Variants in AMMECR1 observed in about 807,000 individuals in gnomAD.
AMMECR1 encodes the protein nuclear protein AMMECR1.
A neutral mutation model predicts 22.5 loss-of-function variants in AMMECR1; 3 were observed. The ratio of observed to expected loss-of-function variants is 0.13; its 90% CI spans 0.06 to 0.35. The LOEUF is 0.35. Among genes scored for constraint, AMMECR1 ranks in the 10% least tolerant of loss-of-function variants. The pLI is 1.00. For missense variants in AMMECR1, 235 were observed against 278.7 expected, an observed-to-expected ratio of 0.84 and a Z score of 1.12; for synonymous variants, 130 against 116.7, an observed-to-expected ratio of 1.11 and a Z score of -0.74.
intron 2 of AMMECR1, among the ~76,000 whole-genome samples, chrX:110,423,412 G>C (rs753140102): frequency 2.7e-5 from 3 of 111,135 alleles, no homozygotes; most frequent in East Asian, 5.6e-4. Flanking sequence ...GAAGGAGAAG[G>C]AGAACGAGAA....
At chrX:110,253,233 G>GT (rs1478766075) in intron 2 of AMMECR1, among the ~76,000 whole-genome samples, 8 of 112,591 alleles carry the variant, frequency 7.1e-5, no homozygotes, top group Non-Finnish European at 3.8e-5. Context: ...TGAAATATAT[G>GT]TTTTTTAAAT....
chrX:110,297,039 T>C lies in AMMECR1; in HGVS notation c.473+20560A>G, dbSNP rs188299288. Among the ~76,000 whole-genome samples the C allele has an allele frequency of 1.9e-3, 217 of 111,999 alleles. 2 individuals are homozygous for C. Among genetic ancestry groups the C allele is most frequent in the African/African-American group, 6.6e-3 (205 of 30,900 alleles). The stretch of plus-strand genomic sequence containing the variant: ...TTATTGTTATTGTTTGTTTAGTGAC[T>C]TTCCCGGACTAGTTCTGTAAAGCCT... On this transcript the variant is annotated intron_variant, in intron 1 of 5. Transcript: ENST00000262844.
chrX:110,402,931 TTCA>T (rs1172042432), intron 2 of AMMECR1, among the ~76,000 whole-genome samples: 3 of 111,978 alleles, frequency 2.7e-5, no homozygotes, highest in African/African-American at 6.5e-5. Flanking sequence ...TGTGACAGGG[TTCA>T]CTGGGTGTTC....
At chrX:110,219,995 A>G (rs1049361720) in intron 2 of AMMECR1, among the ~76,000 whole-genome samples, 1 of 112,082 alleles carries the variant, frequency 8.9e-6, no homozygotes, top group Non-Finnish European at 1.9e-5. Flanking sequence ...CTGACCTCAG[A>G]GCTGCCAGGC....
At chrX:110,435,562 T>C (rs966119080) in intron 1 of AMMECR1, among the ~76,000 whole-genome samples, 4 of 112,037 alleles carry the variant, frequency 3.6e-5, no homozygotes, top group African/African-American at 6.5e-5. Context: ...ATGAGAGTTT[T>C]AGTTACATTC....
chrX:110,427,390 GTTAGAGTACGTACTCA>G (rs2068761936), intron 1 of AMMECR1, among the ~76,000 whole-genome samples: 1 of 111,861 alleles, frequency 8.9e-6, no homozygotes, highest in African/African-American at 3.3e-5. Context: ...ACTTCTTAAA[GTTAGAGTACGTACTCA>G]TTAGAGTACC....
intron 2 of AMMECR1, among the ~76,000 whole-genome samples, chrX:110,247,157 G>A (rs922416816): frequency 6.2e-5 from 7 of 112,442 alleles, no homozygotes; most frequent in Admixed American, 4.7e-4. Context: ...CCATGATCAG[G>A]TATGTGGGAC....
intron 2 of AMMECR1, among the ~76,000 whole-genome samples, chrX:110,239,405 A>G (rs758562403): frequency 3.6e-4 from 40 of 111,218 alleles, no homozygotes; most frequent in South Asian, 1.2e-3. Context: ...TGAAGCATAC[A>G]CAAGTATCAA....
chrX:110,208,567 C>T (rs373362470), intron 3 of AMMECR1, among the ~76,000 whole-genome samples: 11 of 111,774 alleles, frequency 9.8e-5, no homozygotes, highest in African/African-American at 3.2e-4. Flanking sequence ...GGAACAAAAG[C>T]CTGCCAACTT....
At chrX:110,349,152 C>G (rs924252223) in intron 2 of AMMECR1, among the ~76,000 whole-genome samples, 1 of 111,841 alleles carries the variant, frequency 8.9e-6, no homozygotes, top group Admixed American at 9.5e-5. Context: ...TTATAATAAC[C>G]TTGAAAAGTA....
intron 2 of AMMECR1, among the ~76,000 whole-genome samples, chrX:110,410,812 G>T (rs921778723): frequency 8.9e-6 from 1 of 111,937 alleles, no homozygotes; most frequent in African/African-American, 3.2e-5. Context: ...CTTGGGACAA[G>T]TCCCAGCAGC....
chrX:110,245,472 A>AG (rs200703335), intron 2 of AMMECR1, among the ~76,000 whole-genome samples: 1 of 111,100 alleles, frequency 9.0e-6, no homozygotes, highest in East Asian at 2.8e-4. Context: ...TATTTATTGC[A>AG]GGGGGAATGA....
At chrX:110,229,912 C>T (rs1299929225) in intron 2 of AMMECR1, among the ~76,000 whole-genome samples, 2 of 112,993 alleles carry the variant, frequency 1.8e-5, no homozygotes, top group Non-Finnish European at 3.8e-5. Flanking sequence ...GCTAGCACAG[C>T]AGTCTGAGAT....
intron 2 of AMMECR1, among the ~76,000 whole-genome samples, chrX:110,406,314 T>C (rs1430140706): frequency 9.3e-6 from 1 of 108,029 alleles, no homozygotes; most frequent in Non-Finnish European, 1.9e-5. Context: ...CTTCCATGTG[T>C]TCTCATTGTT....
In AMMECR1 at chrX:110,343,783, C is replaced by G. The variant is rs775305126; in HGVS notation, c.-147-25934G>C. Among the ~76,000 whole-genome samples the G allele has an allele frequency of 3.2e-4, 35 of 110,679 alleles. 1 individual carries two copies. The East Asian group carries it at 8.5e-3, about 27-fold the overall frequency. ...ATAAAATACCTAGGAATCCAACTTACAAGGGATGTGAAGGACCTCTTCAAG... is the reference window on the plus strand; with the variant it reads ...ATAAAATACCTAGGAATCCAACTTAGAAGGGATGTGAAGGACCTCTTCAAG... On this transcript the variant is annotated intron_variant, in intron 2 of 7. Transcript: ENST00000372057.
chrX:110,413,133 G>A (rs2068652749), intron 2 of AMMECR1, among the ~76,000 whole-genome samples: 1 of 110,230 alleles, frequency 9.1e-6, no homozygotes, highest in Admixed American at 9.6e-5. Flanking sequence ...CTGCCACCCC[G>A]ACTCATCCAC....
chrX:110,309,748 T>C (rs1427643701), intron 1 of AMMECR1, among the ~76,000 whole-genome samples: 3 of 112,217 alleles, frequency 2.7e-5, no homozygotes, highest in African/African-American at 9.7e-5. Flanking sequence ...ACAAAACAGA[T>C]CCAGCTTGAT....
intron 2 of AMMECR1, among the ~76,000 whole-genome samples, chrX:110,396,414 T>C (rs1473716752): frequency 2.7e-5 from 3 of 110,475 alleles, no homozygotes; most frequent in Non-Finnish European, 5.7e-5. Context: ...GGGATATTTT[T>C]ATATACAATG....
chrX:110,245,634 T>A (rs1272154463), intron 2 of AMMECR1, among the ~76,000 whole-genome samples: 1 of 110,807 alleles, frequency 9.0e-6, no homozygotes, highest in Non-Finnish European at 1.9e-5. Flanking sequence ...CTAGCCCAAA[T>A]CTTCTTCTTT....
Sources: allele counts gnomAD v4.1 joint callset (sites outside exome capture counted in the v4.1 genomes callset), GRCh38; gene constraint gnomAD v4.1.1; transcripts MANE v1.5; gene names NCBI Gene and HGNC (gene_info 2026-07-23, HGNC 2026-07-21).